Variants in F11R observed in about 807,000 individuals in gnomAD.
F11R encodes F11 receptor.
A neutral mutation model predicts 39.3 loss-of-function variants in F11R; 27 were observed. The ratio of observed to expected loss-of-function variants is 0.69; its 90% CI spans 0.51 to 0.95. The LOEUF is 0.95. Among genes scored for constraint, F11R ranks in the 40% least tolerant of loss-of-function variants. F11R has a pLI of 0.00. For missense variants in F11R, 335 were observed against 372.7 expected, an observed-to-expected ratio of 0.90 and a Z score of 0.83; for synonymous variants, 131 against 144.9, an observed-to-expected ratio of 0.90 and a Z score of 0.69.
chr1:161,001,847 C>T (rs1648510842), intron 1 of F11R, among the ~76,000 whole-genome samples: 1 of 152,134 alleles, frequency 6.6e-6, no homozygotes, highest in African/African-American at 2.4e-5. Context: ...AAAGTGTTTT[C>T]GTGTACATTA....
At position 160,997,798 on chromosome 1, in the gene F11R, AT is replaced by A. The variant is rs1317610977; in HGVS notation, c.*1072del. 1.3e-5 allele frequency: 2 copies of A among 153,004 alleles called. No individual in the cohort carries two copies. Among genetic ancestry groups the A allele is most frequent in the African/African-American group, 4.8e-5 (2 of 41,450 alleles). 9.5% of individuals were successfully genotyped at this position (153,004 alleles called of 1,614,324 possible). A position where few individuals can be genotyped will look rare whatever the true frequency, so the allele number is the denominator to read the frequency against. On this transcript the variant is annotated 3_prime_UTR_variant, in exon 10 of 10. Coordinates refer to ENST00000368026, the MANE Select transcript of F11R (RefSeq NM_016946.6). ...TAAGAAGCCCTCCAACACACGCCCA[AT>A]TTCAGCATACAGCTAAGACTACACA...
chr1:161,000,279 C>T lies in F11R; in HGVS notation c.458G>A (p.Cys153Tyr). The T allele has an allele frequency of 6.2e-7, 1 of 1,614,122 alleles. No homozygotes were observed. Among genetic ancestry groups the T allele is most frequent in the Admixed American group, 1.7e-5 (1 of 60,012 alleles). ...ATIGNRAVLT[C>Y]SEQDGSPPSE... is the part of the protein sequence containing the mutation. ...AGGTGGGGAACCATCTTGTTCTGAG[C>T]ATGTCAGCACTGCCCGGTTCCCAAT... Residue 153 changes from cysteine (C) to tyrosine (Y), a missense_variant, in exon 5 of 10, where the codon TGC (cysteine) becomes TAC (tyrosine). Transcript: ENST00000368026.
Position 161,000,260 on chromosome 1 carries a change from G to A in F11R, c.477C>T (p.Ser159=), listed in dbSNP as rs1407104432. The change falls in exon 5 of 10, where the codon TCC becomes TCT. Residue 159 remains serine, a synonymous_variant. Coordinates refer to ENST00000368026, the MANE Select transcript of F11R (RefSeq NM_016946.6). ...TGAACCAGGTGTATTCAGAAGGTGGGGAACCATCTTGTTCTGAGCATGTCA... is the reference window on the plus strand; with the variant it reads ...TGAACCAGGTGTATTCAGAAGGTGGAGAACCATCTTGTTCTGAGCATGTCA... The part of the protein sequence containing the change: ...AVLTCSEQDG[S]PPSEYTWFKD... The A allele has an allele frequency of 6.2e-7, 1 of 1,614,080 alleles. No individual in the cohort carries two copies. The highest frequency in any genetic ancestry group is 2.2e-5 in the East Asian group (1 of 44,882).
intron 1 of F11R, among the ~76,000 whole-genome samples, chr1:161,007,744 T>A (rs1486034791): frequency 6.6e-6 from 1 of 152,192 alleles, no homozygotes; most frequent in Non-Finnish European, 1.5e-5. Context: ...TCTTTCTGAC[T>A]TCAATGTTTT....
chr1:161,010,458 C>A (rs867416414), intron 1 of F11R, among the ~76,000 whole-genome samples: 452 of 41,106 alleles, frequency 0.011, 1 homozygote, highest in Middle Eastern at 0.017. Flanking sequence ...AAAAAAAAAA[C>A]AGTTGATCCA....
Position 161,001,277 on chromosome 1 carries a change from C to G in F11R, c.133+8G>C. On this transcript the variant is annotated splice_region_variant and intron_variant, in intron 2 of 9. Coordinates refer to ENST00000368026, the MANE Select transcript of F11R (RefSeq NM_016946.6). Reference sequence around the variant, plus strand: ...CCCTCACACCCTCCATGGCCCCTCCCAACTCACGATTATTCTCAGGAATTC... The same window carrying G: ...CCCTCACACCCTCCATGGCCCCTCCGAACTCACGATTATTCTCAGGAATTC... 1 of 1,613,880 alleles carries G rather than the reference C, an allele frequency of 6.2e-7. No individual in the cohort carries two copies. The highest frequency in any genetic ancestry group is 8.5e-7 in the Non-Finnish European group (1 of 1,179,982).
rs1392990927 is a variant in F11R at position 161,006,962 on chromosome 1, G to C, written c.65-5609C>G. On this transcript the variant is annotated intron_variant, in intron 1 of 9. Transcript: ENST00000368026. ...GTGGATCACCTGAGATCAGGAGTTC[G>C]AGACCAGTCTGGCCAACGTGGCAAA... is the stretch of plus-strand genomic sequence containing the variant. 7.9e-5 allele frequency among the ~76,000 whole-genome samples: 12 copies of C among 151,760 alleles called. No individual in the cohort carries two copies. In the East Asian group the frequency reaches 2.3e-3, roughly 29 times the overall value.
At chr1:160,999,805 A>G in intron 6 of F11R, 58 bp from the exon 7 acceptor site, 2 of 1,606,632 alleles carry the variant, frequency 1.2e-6, no homozygotes. Context: ...CACCTACAGT[A>G]TCACCAATGG....
Position 161,020,870 on chromosome 1 carries a change from A to T in F11R, c.64+140T>A, listed in dbSNP as rs1335116278. On this transcript the variant is annotated intron_variant, in intron 1 of 9. Transcript: ENST00000368026. ...GAGAGTGGTGAAAGAGGGACCAGCC[A>T]GGGGTGGAAAAGATAATTCGCAGAA... 3 of 768,442 alleles carry T rather than the reference A, an allele frequency of 3.9e-6. No homozygotes were observed. The Admixed American group carries it at 6.2e-5, about 16-fold the overall frequency. 47.6% of individuals were successfully genotyped at this position (768,442 alleles called of 1,614,324 possible). A position where few individuals can be genotyped will look rare whatever the true frequency, so the allele number is the denominator to read the frequency against.
At chr1:161,007,476 A>G (rs890490949) in intron 1 of F11R, among the ~76,000 whole-genome samples, 2 of 152,138 alleles carry the variant, frequency 1.3e-5, no homozygotes, top group African/African-American at 4.8e-5. Context: ...AGAAAAGAAA[A>G]AAAAAAAAAA....
At position 161,019,366 on chromosome 1, in the gene F11R, CGGGT is replaced by C. The variant is rs1366390787; in HGVS notation, c.64+1640_64+1643del. ...ATCCCAGCACGTTGGGAGGCCGAGG[CGGGT>C]GGATCACCTGAGAGCAGGAATTCAA... On this transcript the variant is annotated intron_variant, in intron 1 of 9. Transcript: ENST00000368026. Among the ~76,000 whole-genome samples the C allele has an allele frequency of 2.6e-5, 4 of 152,124 alleles. No homozygotes were observed. In the East Asian group the frequency reaches 7.7e-4, roughly 29 times the overall value.
rs1327989625 is a variant in F11R, at chr1:161,021,015, A to T, written c.59T>A (p.Leu20Gln). 6.2e-7 allele frequency: 1 copy of T among 1,613,988 alleles called. No individual in the cohort carries two copies. The highest frequency in any genetic ancestry group is 8.5e-7 in the Non-Finnish European group (1 of 1,179,996). The part of the protein sequence containing the change: ...KLLCLFILAI[L>Q]LCSLALGSVT... ...CCGAAACTCTGGGAACTTACACAACAGGATCGCCAATATGAAGAGGCACAA... is the reference window on the plus strand; with the variant it reads ...CCGAAACTCTGGGAACTTACACAACTGGATCGCCAATATGAAGAGGCACAA... Residue 20 changes from leucine (L) to glutamine (Q), a missense_variant, in exon 1 of 10, where the codon CTG (leucine) becomes CAG (glutamine). Transcript: ENST00000368026.
At chr1:161,017,815 C>A (rs996817362) in intron 1 of F11R, among the ~76,000 whole-genome samples, 3 of 152,180 alleles carry the variant, frequency 2.0e-5, no homozygotes, top group African/African-American at 7.2e-5. Flanking sequence ...CACCAGTCTA[C>A]GGTTTTGAGG....
chr1:161,009,300 G>A (rs1387709649), intron 1 of F11R, among the ~76,000 whole-genome samples: 3 of 152,036 alleles, frequency 2.0e-5, no homozygotes, highest in African/African-American at 7.3e-5. Context: ...CATCATCTGT[G>A]TACAAGCATG....
chr1:161,017,212 G>A (rs959896357), intron 1 of F11R, among the ~76,000 whole-genome samples: 12 of 152,164 alleles, frequency 7.9e-5, no homozygotes, highest in Admixed American at 2.6e-4. Context: ...ATATGGCCTC[G>A]TGGGAAGGGA....
intron 1 of F11R, among the ~76,000 whole-genome samples, chr1:161,010,091 T>C (rs939882069): frequency 1.3e-5 from 2 of 150,476 alleles, no homozygotes; most frequent in African/African-American, 4.9e-5. Context: ...ACAAGTACCA[T>C]TGAAGATTGA....
intron 1 of F11R, among the ~76,000 whole-genome samples, chr1:161,016,471 T>C (rs1649471410): frequency 6.8e-6 from 1 of 146,292 alleles, no homozygotes; most frequent in African/African-American, 2.6e-5. Context: ...AGAGACTCTG[T>C]CTCAAAAACA....
At position 160,999,174 on chromosome 1, in the gene F11R, G is replaced by A. The variant is rs575055756; in HGVS notation, c.816-83C>T. 8.8e-6 allele frequency: 14 copies of A among 1,585,750 alleles called. No homozygotes were observed. In the South Asian group the frequency reaches 1.0e-4, roughly 11 times the overall value. ...CTTGCCAACTTTAAAGGCCAGAAGC[G>A]AGAATGCTACAGAAGCACAGAGTGC... On this transcript the variant is annotated intron_variant, in intron 8 of 9. Transcript: ENST00000368026.
rs1235787213 is a variant in F11R at position 160,996,011 on chromosome 1, T to C, written c.*2860A>G. The C allele has an allele frequency of 2.0e-5, 3 of 152,288 alleles. No homozygotes were observed. Among genetic ancestry groups the C allele is most frequent in the East Asian group, 1.9e-4 (1 of 5,332 alleles). 9.4% of individuals were successfully genotyped at this position (152,288 alleles called of 1,614,324 possible). On this transcript the variant is annotated 3_prime_UTR_variant, in exon 10 of 10. Transcript: ENST00000368026. ...GTCACTTTAACATAGGAAATGTCCA[T>C]TGTGGGGTTATTTGCATTTAAACAC...
Sources: allele counts gnomAD v4.1 joint callset (sites outside exome capture counted in the v4.1 genomes callset), GRCh38; gene constraint gnomAD v4.1.1; transcripts MANE v1.5; gene names NCBI Gene and HGNC (gene_info 2026-07-23, HGNC 2026-07-21).